Variants in TMEM108 observed in about 807,000 individuals in gnomAD.
TMEM108 encodes the protein transmembrane protein 108, also known as cancer/testis antigen 124.
Under a neutral mutation model 35.1 loss-of-function variants are expected in TMEM108, and 12 were observed. That is an observed-to-expected ratio of 0.34 (90% CI 0.22 to 0.55). The LOEUF (loss-of-function observed/expected upper bound fraction) is 0.55. Ranked by LOEUF, TMEM108 falls within the 20% of genes least tolerant of loss-of-function variation. The pLI is 0.89. For missense variants in TMEM108, 680 were observed against 753.3 expected, an observed-to-expected ratio of 0.90 and a Z score of 1.14; for synonymous variants, 287 against 308.6, an observed-to-expected ratio of 0.93 and a Z score of 0.73.
intron 2 of TMEM108, 122 bp from the exon 3 acceptor site, chr3:133,229,144 A>AT (rs60496849): frequency 3.3e-6 from 2 of 600,800 alleles, no homozygotes; most frequent in Non-Finnish European, 2.9e-6. Flanking sequence ...TTATCCCAAG[A>AT]TTTTTTCTCT....
At chr3:133,168,412 A>G (rs1016741183) in intron 2 of TMEM108, among the ~76,000 whole-genome samples, 98 of 152,096 alleles carry the variant, frequency 6.4e-4, no homozygotes, top group Non-Finnish European at 7.5e-4. Context: ...AGATCAGGGG[A>G]GAGAGAGGGA....
chr3:133,165,181 CA>C (rs1279620832), intron 2 of TMEM108, among the ~76,000 whole-genome samples: 1 of 152,140 alleles, frequency 6.6e-6, no homozygotes, highest in Non-Finnish European at 1.5e-5. Flanking sequence ...TCTTCAGGCT[CA>C]AAAGAGAAGC....
intron 3 of TMEM108, among the ~76,000 whole-genome samples, chr3:133,295,307 G>T (rs1450981650): frequency 6.6e-6 from 1 of 152,144 alleles, no homozygotes; most frequent in African/African-American, 2.4e-5. Context: ...GGGAGGGATG[G>T]AGAAGTAAGG....
At chr3:133,229,831 A>T (rs1391389124) in intron 3 of TMEM108, among the ~76,000 whole-genome samples, 2 of 152,196 alleles carry the variant, frequency 1.3e-5, no homozygotes, top group South Asian at 4.1e-4. Flanking sequence ...ATGCATAGCT[A>T]TACATGGTTC....
intron 2 of TMEM108, among the ~76,000 whole-genome samples, chr3:133,151,639 CAAAG>C (rs747294137): frequency 2.0e-5 from 3 of 152,154 alleles, no homozygotes; most frequent in East Asian, 1.9e-4. Context: ...ATAATAGTAA[CAAAG>C]AGCCTATTGT....
intron 2 of TMEM108, among the ~76,000 whole-genome samples, chr3:133,172,088 C>A (rs2107791229): frequency 6.6e-6 from 1 of 152,282 alleles, no homozygotes; most frequent in South Asian, 2.1e-4. Context: ...GCATGCCAGA[C>A]ACTGCTCTAA....
chr3:133,396,998 A>AAGAC lies in TMEM108; in HGVS notation c.*1014_*1017dup, dbSNP rs1370999638. The AAGAC allele has an allele frequency of 6.6e-6, 1 of 152,162 alleles. No individual in the cohort carries two copies. Among genetic ancestry groups the AAGAC allele is most frequent in the Non-Finnish European group, 1.5e-5 (1 of 68,024 alleles). 9.4% of individuals were successfully genotyped at this position (152,162 alleles called of 1,614,324 possible). ...ATTGCCCAAACAAATCATTTGGGAG[A>AAGAC]AGACATCATTATACTCCTACTTGGC... On this transcript the variant is annotated 3_prime_UTR_variant, in exon 6 of 6. Transcript: ENST00000321871.
chr3:133,202,318 T>C (rs1007399694), intron 2 of TMEM108, among the ~76,000 whole-genome samples: 3 of 152,226 alleles, frequency 2.0e-5, no homozygotes, highest in Non-Finnish European at 4.4e-5. Flanking sequence ...TTTGTCAATT[T>C]TGGCTTATGT....
At chr3:133,046,332 A>T (rs1943339937) in intron 2 of TMEM108, among the ~76,000 whole-genome samples, 1 of 152,228 alleles carries the variant, frequency 6.6e-6, no homozygotes. Context: ...AAAGATGGGA[A>T]CAGGGCCTGA....
chr3:133,063,997 GT>G (rs1943566310), intron 2 of TMEM108, among the ~76,000 whole-genome samples: 1 of 152,068 alleles, frequency 6.6e-6, no homozygotes, highest in African/African-American at 2.4e-5. Flanking sequence ...TGATTACTTT[GT>G]GCCCAGTGAG....
rs1399613684 is a variant in TMEM108, at chr3:133,167,045, T to A, written c.-46-62221T>A. Reference sequence around the variant, plus strand: ...GATTAGCTACACACAGTGCACTGATTGGTGCATTTACAAACCTTGAGCTAG... The same window carrying A: ...GATTAGCTACACACAGTGCACTGATAGGTGCATTTACAAACCTTGAGCTAG... On this transcript the variant is annotated intron_variant, in intron 2 of 5. Transcript: ENST00000321871. Among the ~76,000 whole-genome samples the A allele has an allele frequency of 2.6e-5, 4 of 152,176 alleles. 1 individual carries two copies. The highest frequency in any genetic ancestry group is 4.4e-5 in the Non-Finnish European group (3 of 68,030).
At chr3:133,310,194 G>A (rs1001048810) in intron 3 of TMEM108, among the ~76,000 whole-genome samples, 1 of 152,192 alleles carries the variant, frequency 6.6e-6, no homozygotes, top group African/African-American at 2.4e-5. Flanking sequence ...ATGGGGTGGA[G>A]AGTTCTGTAG....
At chr3:133,232,659 G>A (rs1161286869) in intron 3 of TMEM108, among the ~76,000 whole-genome samples, 2 of 152,200 alleles carry the variant, frequency 1.3e-5, no homozygotes, top group African/African-American at 4.8e-5. Context: ...CCCAGCTGGG[G>A]CTAAGGGATG....
Position 133,086,304 on chromosome 3 carries a change from T to C in TMEM108, c.-47+40284T>C, listed in dbSNP as rs185206331. 7.1e-4 allele frequency among the ~76,000 whole-genome samples: 108 copies of C among 152,222 alleles called. 1 individual carries two copies. The highest frequency in any genetic ancestry group is 2.6e-3 in the African/African-American group (107 of 41,502). ...CTTAATCTCTCGAGCATTTGAGCTT[T>C]TTTTTTTCTTTTGCCATCTGTAAAG... On this transcript the variant is annotated intron_variant, in intron 2 of 5. Coordinates refer to ENST00000321871, the MANE Select transcript of TMEM108 (RefSeq NM_023943.4).
At chr3:133,042,044 T>C (rs546736567) in intron 1 of TMEM108, among the ~76,000 whole-genome samples, 3 of 152,356 alleles carry the variant, frequency 2.0e-5, no homozygotes, top group South Asian at 4.1e-4. Flanking sequence ...CAATATTATA[T>C]TAGCAGCCCC....
At chr3:133,227,635 ACCTGTAATC>A (rs1456283194) in intron 2 of TMEM108, among the ~76,000 whole-genome samples, 1 of 151,372 alleles carries the variant, frequency 6.6e-6, no homozygotes, top group Non-Finnish European at 1.5e-5. Context: ...GGTGGCTCAC[ACCTGTAATC>A]CCAGCACTTT....
At chr3:133,089,540 C>G (rs768254185) in intron 2 of TMEM108, among the ~76,000 whole-genome samples, 12 of 152,130 alleles carry the variant, frequency 7.9e-5, no homozygotes, top group Non-Finnish European at 1.6e-4. Flanking sequence ...GCAGGTGAGT[C>G]TAGTGACACC....
At chr3:133,375,772 G>A (rs2072817772) in intron 3 of TMEM108, among the ~76,000 whole-genome samples, 1 of 152,198 alleles carries the variant, frequency 6.6e-6, no homozygotes, top group Non-Finnish European at 1.5e-5. Flanking sequence ...ATGAAAAGTT[G>A]CTTTGAAATA....
intron 3 of TMEM108, among the ~76,000 whole-genome samples, chr3:133,362,116 G>T (rs1448268910): frequency 6.6e-6 from 1 of 151,894 alleles, no homozygotes; most frequent in African/African-American, 2.4e-5. Context: ...TTCCTGCTGT[G>T]GGGAGATGAG....
Sources: gnomAD v4.1 joint callset for allele counts (sites outside exome capture counted in the v4.1 genomes callset) on GRCh38, gnomAD v4.1.1 for gene constraint, MANE v1.5 for transcripts, NCBI Gene and HGNC (gene_info 2026-07-23, HGNC 2026-07-21) for gene names.